NLGN3: variants seen among roughly 807,000 people sequenced by gnomAD.
NLGN3 encodes neuroligin-3.
In NLGN3, 11 loss-of-function variants were observed where a neutral mutation model predicts 42.9. The ratio of observed to expected loss-of-function variants is 0.26; its 90% CI spans 0.16 to 0.42. The LOEUF (loss-of-function observed/expected upper bound fraction) is 0.42. Ranked by LOEUF, NLGN3 falls within the 10% of genes least tolerant of loss-of-function variation. The probability of loss-of-function intolerance (pLI) is 1.00; values close to 1 mark genes in which losing one functional copy is unlikely to be tolerated. For synonymous variants in NLGN3, 279 were observed against 312.7 expected (o/e 0.89, Z 1.14); for missense variants, 374 against 733.8 (o/e 0.51, Z 5.67).
At chrX:71,150,497 C>T (rs956808498) in intron 3 of NLGN3, among the ~76,000 whole-genome samples, 2 of 110,372 alleles carry the variant, frequency 1.8e-5, no homozygotes, top group African/African-American at 6.6e-5. Context: ...GTCAGGAGAT[C>T]GAGACCATCC....
intron 3 of NLGN3, among the ~76,000 whole-genome samples, chrX:71,152,711 AT>A (rs1024440534): frequency 4.2e-4 from 46 of 109,600 alleles, no homozygotes; most frequent in Non-Finnish European, 7.3e-4. Flanking sequence ...TTTCTCTTCT[AT>A]TTTTTTTCTC....
chrX:71,168,237 G>A (rs886741696), intron 7 of NLGN3, among the ~76,000 whole-genome samples: 1 of 111,212 alleles, frequency 9.0e-6, no homozygotes, highest in African/African-American at 3.3e-5. Flanking sequence ...AGGTATTTGG[G>A]AGGCTGAGGT....
chrX:71,148,745 C>T (rs1351605727), intron 2 of NLGN3, 101 bp from the exon 3 acceptor site: 2 of 683,053 alleles, frequency 2.9e-6, no homozygotes, highest in Non-Finnish European at 4.2e-6. Context: ...TGCCATGTGC[C>T]GCCTGCAGAG....
chrX:71,156,221 C>G (rs1222265228), intron 5 of NLGN3, among the ~76,000 whole-genome samples: 2 of 108,358 alleles, frequency 1.8e-5, no homozygotes, highest in Non-Finnish European at 3.8e-5. Context: ...TTCCACCCAC[C>G]CCCCACAAAT....
chrX:71,158,379 C>T (rs1404126989), intron 5 of NLGN3, among the ~76,000 whole-genome samples: 4 of 112,134 alleles, frequency 3.6e-5, no homozygotes, highest in African/African-American at 1.3e-4. Context: ...GCCACCGCGC[C>T]CGGCTGGGCT....
downstream of NLGN3, among the ~76,000 whole-genome samples, chrX:71,171,460 C>T (rs1464840684): frequency 9.1e-6 from 1 of 110,106 alleles, no homozygotes; most frequent in African/African-American, 3.3e-5. Flanking sequence ...GCTGAAGCCT[C>T]CTCTCAGCAC....
Position 71,155,216 on chromosome X carries a change from A to G in NLGN3, c.580A>G (p.Ile194Val), listed in dbSNP as rs1235827466. The G allele has an allele frequency of 8.3e-7, 1 of 1,211,974 alleles. No homozygotes were observed. Among genetic ancestry groups the G allele is most frequent in the Non-Finnish European group, 1.1e-6 (1 of 895,490 alleles). Residue 194 changes from isoleucine to valine, a missense_variant and splice_region_variant, in exon 5 of 8, where the codon ATC becomes GTC. By Grantham distance (29) the Ile-to-Val change is conservative (BLOSUM62 3). This residue lies in a region of NLGN3 where 109 missense variants were observed against 173.3 expected (regional missense o/e 0.63). Transcript: ENST00000358741. ...ADNDGDEDED[I>V]RDSGAKPVMV... ...TGTCTCACCCCTTCTCCTTGCAGAC[A>G]TCCGGGACAGTGGTGCTAAACCCGT...
Position 71,169,538 on chromosome X carries a change from A to G in NLGN3, c.1988A>G (p.Asn663Ser), listed in dbSNP as rs767307878. 2.5e-5 allele frequency: 30 copies of G among 1,210,516 alleles called. No homozygotes were observed. Among genetic ancestry groups the G allele is most frequent in the Non-Finnish European group, 3.0e-5 (27 of 895,234 alleles). Residue 663 changes from asparagine to serine, a missense_variant, in exon 8 of 8, where the codon AAT becomes AGT. Asn to Ser is a conservative substitution (Grantham distance 46, BLOSUM62 1). Coordinates refer to ENST00000358741, the MANE Select transcript of NLGN3 (RefSeq NM_181303.2). Reference sequence around the variant, plus strand: ...AGCTCCCACATCACCCGCAGGCCCAATGGCAAGACCTGGAGCACCAAGCGG... The same window carrying G: ...AGCTCCCACATCACCCGCAGGCCCAGTGGCAAGACCTGGAGCACCAAGCGG... ...THSSHITRRP[N>S]GKTWSTKRPA...
chrX:71,155,978 C>T (rs2092407248), intron 5 of NLGN3, among the ~76,000 whole-genome samples: 1 of 110,721 alleles, frequency 9.0e-6, no homozygotes, highest in African/African-American at 3.3e-5. Context: ...GGTCTGTGTA[C>T]TCCACGTCTG....
At position 71,148,919 on chromosome X, in the gene NLGN3, C is replaced by T. The variant is rs997684579; in HGVS notation, c.517+14C>T. ...GTAGGAAAGGAGGTAGGTAGCGAGCCGGCGGGGAGGGAGAGAGAGAGAGAG... is the reference window on the plus strand; with the variant it reads ...GTAGGAAAGGAGGTAGGTAGCGAGCTGGCGGGGAGGGAGAGAGAGAGAGAG... On this transcript the variant is annotated intron_variant, in intron 3 of 7. Coordinates refer to ENST00000358741, the MANE Select transcript of NLGN3 (RefSeq NM_181303.2). 3.5e-5 allele frequency: 36 copies of T among 1,033,145 alleles called. No homozygotes were observed. The highest frequency in any genetic ancestry group is 4.4e-5 in the Non-Finnish European group (34 of 778,373). 85.1% of individuals were successfully genotyped at this position (1,033,145 alleles called of 1,213,427 possible). A position where few individuals can be genotyped will look rare whatever the true frequency, so the allele number is the denominator to read the frequency against.
Position 71,164,393 on chromosome X carries a change from A to G in NLGN3, c.913+65A>G, listed in dbSNP as rs2233441. 6,398 of 1,087,619 alleles carry G rather than the reference A, an allele frequency of 5.9e-3. 21 individuals are homozygous for G. Among genetic ancestry groups the G allele is most frequent in the Non-Finnish European group, 7.1e-3 (5,671 of 802,547 alleles). 89.6% of individuals were successfully genotyped at this position (1,087,619 alleles called of 1,213,427 possible). ...CCGGCTGTCCCAGCATGCCCCATCC[A>G]TGCCCCAGGGCATCCAAGGGAATCG... On this transcript the variant is annotated intron_variant, in intron 6 of 7. Coordinates refer to ENST00000358741, the MANE Select transcript of NLGN3 (RefSeq NM_181303.2).
In NLGN3 at chrX:71,169,757, G is replaced by T; in HGVS notation, c.2207G>T (p.Arg736Leu). 1 of 1,211,490 alleles carries T rather than the reference G, an allele frequency of 8.3e-7. No homozygotes were observed. Among genetic ancestry groups the T allele is most frequent in the Non-Finnish European group, 1.1e-6 (1 of 895,381 alleles). Residue 736 changes from arginine to leucine, a missense_variant, in exon 8 of 8, where the codon CGG becomes CTG. Arg to Leu is a moderately radical substitution (Grantham distance 102). Transcript: ENST00000358741. ...FAALYYRKDK[R>L]RQEPLRQPSP... is the part of the protein sequence containing the mutation. ...GCCCTCTACTACCGTAAGGACAAACGGCGCCAGGAGCCCCTGCGGCAGCCT... is the reference window on the plus strand; with the variant it reads ...GCCCTCTACTACCGTAAGGACAAACTGCGCCAGGAGCCCCTGCGGCAGCCT...
chrX:71,164,060 C>G, intron 5 of NLGN3, 83 bp from the exon 6 acceptor site: 1 of 899,756 alleles, frequency 1.1e-6, no homozygotes, highest in Non-Finnish European at 1.6e-6. Flanking sequence ...ATTCCCACCT[C>G]CCCTGTTGAC....
rs2092462725 is a variant in NLGN3, at chrX:71,169,468, T to C, written c.1918T>C (p.Tyr640His). The C allele has an allele frequency of 8.3e-7, 1 of 1,211,594 alleles. No homozygotes were observed. Among genetic ancestry groups the C allele is most frequent in the Non-Finnish European group, 1.1e-6 (1 of 895,384 alleles). ...HLYNLHDMFH[Y>H]TSTTTKVPPP... ...ATACAACCTGCATGACATGTTCCAC[T>C]ATACGTCCACCACCACCAAAGTGCC... Residue 640 changes from tyrosine (Y) to histidine (H), a missense_variant, in exon 8 of 8, where the codon TAT becomes CAT. By Grantham distance (83) the Tyr-to-His change is moderately conservative. Transcript: ENST00000358741.
rs750442379 is a variant in NLGN3 at position 71,153,554 on chromosome X, G to GGGGCTGCAGT, written c.577+19_577+20insGGCTGCAGTG. On this transcript the variant is annotated intron_variant, in intron 4 of 7. Transcript: ENST00000358741. ...AGATGAAGGTATTTGGGGGCTGCAGGGCGCGGCGGCTGGTGCATGGCACAG... is the reference window on the plus strand; with the variant it reads ...AGATGAAGGTATTTGGGGGCTGCAGGGGGCTGCAGTGCGCGGCGGCTGGTGCATGGCACAG... The GGGGCTGCAGT allele has an allele frequency of 5.0e-6, 6 of 1,188,932 alleles. No homozygotes were observed. In the Admixed American group the frequency reaches 1.3e-4, roughly 27 times the overall value.
Position 71,167,410 on chromosome X carries a change from A to G in NLGN3, c.1313A>G (p.Asp438Gly). 1 of 1,211,523 alleles carries G rather than the reference A, an allele frequency of 8.3e-7. No homozygotes were observed. Among genetic ancestry groups the G allele is most frequent in the Non-Finnish European group, 1.1e-6 (1 of 895,416 alleles). Residue 438 changes from aspartate to glycine, a missense_variant, in exon 7 of 8, where the codon GAC (aspartate) becomes GGC (glycine). Asp to Gly is a moderately conservative substitution (Grantham distance 94, BLOSUM62 -1). Transcript: ENST00000358741. Reference sequence around the variant, plus strand: ...GACTATTCCGTCTCCAATTTTGTGGACAATCTGTATGGCTATCCTGAGGGT... The same window carrying G: ...GACTATTCCGTCTCCAATTTTGTGGGCAATCTGTATGGCTATCCTGAGGGT... ...DFDYSVSNFV[D>G]NLYGYPEGKD...
Position 71,147,968 on chromosome X carries a change from C to T in NLGN3, c.219C>T (p.Pro73=). The part of the protein sequence containing the change: ...LGPVDQYLGV[P]YAAPPIGEKR... ...CTGTGGACCAATACCTGGGGGTGCC[C>T]TACGCAGCTCCCCCGATCGGCGAGA... Residue 73 remains proline, a synonymous_variant, in exon 2 of 8, where the codon CCC becomes CCT. Coordinates refer to ENST00000358741, the MANE Select transcript of NLGN3 (RefSeq NM_181303.2). 5.8e-6 allele frequency: 7 copies of T among 1,207,818 alleles called. No homozygotes were observed. The highest frequency in any genetic ancestry group is 6.7e-6 in the Non-Finnish European group (6 of 892,586).
chrX:71,172,614 G>C (rs183480822), downstream of NLGN3, among the ~76,000 whole-genome samples: 15 of 94,083 alleles, frequency 1.6e-4, no homozygotes, highest in East Asian at 3.2e-3. Flanking sequence ...TAGGTGCTGT[G>C]TGTGTGTGCA....
chrX:71,167,414 T>C lies in NLGN3; in HGVS notation c.1317T>C (p.Asn439=), dbSNP rs2092450624. 8.3e-7 allele frequency: 1 copy of C among 1,209,213 alleles called. No individual in the cohort carries two copies. The change falls in exon 7 of 8, where the codon AAT becomes AAC. Residue 439 remains asparagine (N), a synonymous_variant. Transcript: ENST00000358741. ...FDYSVSNFVD[N]LYGYPEGKDT... ...ATTCCGTCTCCAATTTTGTGGACAA[T>C]CTGTATGGCTATCCTGAGGGTAAGG...
Sources: allele counts gnomAD v4.1 joint callset (sites outside exome capture counted in the v4.1 genomes callset), GRCh38; gene constraint gnomAD v4.1.1; regional missense constraint gnomAD v4.1.1; transcripts MANE v1.5; gene names NCBI Gene and HGNC (gene_info 2026-07-23, HGNC 2026-07-21).